Variants in CPSF1 observed in about 807,000 individuals in gnomAD.
CPSF1 encodes cleavage and polyadenylation specific factor 1.
CPSF1 carries 106 observed loss-of-function variants against 175.8 expected under a neutral mutation model. That is an observed-to-expected ratio of 0.60 (90% CI 0.52 to 0.71). The LOEUF is 0.71. Ranked by LOEUF, CPSF1 falls within the 30% of genes least tolerant of loss-of-function variation. The probability of loss-of-function intolerance (pLI) is 0.00; values close to 1 mark genes in which losing one functional copy is unlikely to be tolerated. For synonymous variants in CPSF1, 1,024 were observed against 858.3 expected, an observed-to-expected ratio of 1.19 and a Z score of -3.37; for missense variants, 1,734 against 2,022.9, an observed-to-expected ratio of 0.86 and a Z score of 2.74.
chr8:144,396,289 C>A, intron 26 of CPSF1, 59 bp downstream of exon 26: 4 of 1,518,616 alleles, frequency 2.6e-6, no homozygotes, highest in Middle Eastern at 2.4e-4. Flanking sequence ...GTCCCCTCCC[C>A]CTCAGCCCCC....
At position 144,400,138 on chromosome 8, in the gene CPSF1, CCCCCCGCCCCAGCCA is replaced by C; in HGVS notation, c.937+13_937+27del. 2 of 1,185,664 alleles carry C rather than the reference CCCCCCGCCCCAGCCA, an allele frequency of 1.7e-6. No individual in the cohort carries two copies. The highest frequency in any genetic ancestry group is 2.4e-6 in the Non-Finnish European group (2 of 846,178). 73.4% of individuals were successfully genotyped at this position (1,185,664 alleles called of 1,614,324 possible). On this transcript the variant is annotated intron_variant, in intron 9 of 37. Coordinates refer to ENST00000616140, the MANE Select transcript of CPSF1 (RefSeq NM_013291.3). ...GGCAGGCCCAAGCCGTCCCCGGGCC[CCCCCCGCCCCAGCCA>C]CCCCACACTCACGAAGCGGGAAAGC...
At position 144,393,541 on chromosome 8, in the gene CPSF1, G is replaced by A; in HGVS notation, c.4195C>T (p.Leu1399=). The A allele has an allele frequency of 1.2e-6, 2 of 1,600,968 alleles. No homozygotes were observed. Among genetic ancestry groups the A allele is most frequent in the Non-Finnish European group, 1.7e-6 (2 of 1,175,734 alleles). ...TAGCGGTTGAGCAGCTCCCCATCCA[G>A]CACGTTGCGCACGGCATTCTGGAGG... ...RTLQNAVRNV[L]DGELLNRYLY... is the part of the protein sequence containing the mutation. Residue 1399 remains leucine, a synonymous_variant, in exon 37 of 38, where the codon CTG becomes TTG. Transcript: ENST00000616140.
intron 25 of CPSF1, 30 bp downstream of exon 25, chr8:144,396,568 C>T (rs200593235): frequency 4.7e-5 from 75 of 1,609,560 alleles, no homozygotes; most frequent in Non-Finnish European, 5.9e-5. Flanking sequence ...CTCCCTTCTA[C>T]CACAGACCCC....
At chr8:144,401,747 AC>A in intron 2 of CPSF1, 74 bp from the exon 3 acceptor site, 1 of 1,487,344 alleles carries the variant, frequency 6.7e-7, no homozygotes, top group Non-Finnish European at 9.1e-7. Flanking sequence ...ACGAGAAAAG[AC>A]CACCAAGCCT....
At chr8:144,397,004 G>A in intron 23 of CPSF1, 75 bp from the exon 24 acceptor site, 5 of 1,184,966 alleles carry the variant, frequency 4.2e-6, no homozygotes, top group Non-Finnish European at 6.2e-6. Context: ...GGAAGAGGTG[G>A]GCTGTGGGTA....
At position 144,398,345 on chromosome 8, in the gene CPSF1, G is replaced by A. The variant is rs2116849058; in HGVS notation, c.1851C>T (p.Tyr617=). 5.3e-5 allele frequency: 79 copies of A among 1,498,822 alleles called. No homozygotes were observed. In the South Asian group the frequency reaches 8.5e-4, roughly 16 times the overall value. The allele number at this position is 1,498,822 out of a possible 1,614,324, so 92.8% of individuals were successfully genotyped here. ...TGCCCAGTGGTGACACTTGGACAAT[G>A]TAGCGGTTGTCCCCGATGTTCCCAG... ...VFAGNIGDNR[Y]IVQVSPLGIR... is the part of the protein sequence containing the mutation. The change falls in exon 19 of 38, where the codon TAC becomes TAT. Residue 617 remains tyrosine, a synonymous_variant. Transcript: ENST00000616140.
At position 144,397,359 on chromosome 8, in the gene CPSF1, C is replaced by A; in HGVS notation, c.2440G>T (p.Gly814Trp). Residue 814 changes from glycine (G) to tryptophan (W), a missense_variant, in exon 23 of 38, where the codon GGG becomes TGG. This residue lies in a region of CPSF1 where 585 missense variants were observed against 584.7 expected (regional missense o/e 1.00). Coordinates refer to ENST00000616140, the MANE Select transcript of CPSF1 (RefSeq NM_013291.3). ...GAGCTGTCCACAAGGACCCGCTGCC[C>A]CACAGGGAAGTTCTTCACCAGGAAC... ...LVFLVKNFPV[G>W]QRVLVDSSFG... is the part of the protein sequence containing the mutation. The A allele has an allele frequency of 6.4e-7, 1 of 1,565,408 alleles. No individual in the cohort carries two copies.
Position 144,396,433 on chromosome 8 carries a change from G to A in CPSF1, c.2894C>T (p.Pro965Leu), listed in dbSNP as rs145947364. Residue 965 changes from proline (P) to leucine (L), a missense_variant, in exon 26 of 38, where the codon CCC (proline) becomes CTC (leucine). Physicochemically the swap from Pro to Leu is moderately conservative, Grantham distance 98 (BLOSUM62 -3). Transcript: ENST00000616140. The part of the protein sequence containing the change: ...VTGRGALRLH[P>L]MAIDGPVDSF... ...GTCGACCGGGCCGTCGATGGCCATGGGGTGTAGCCGCAGAGCCCCTCGGCC... is the reference window on the plus strand; with the variant it reads ...GTCGACCGGGCCGTCGATGGCCATGAGGTGTAGCCGCAGAGCCCCTCGGCC... 4.4e-6 allele frequency: 7 copies of A among 1,596,182 alleles called. No homozygotes were observed. The highest frequency in any genetic ancestry group is 6.0e-6 in the Non-Finnish European group (7 of 1,173,110).
At chr8:144,403,703 C>G (rs1821345852) in intron 2 of CPSF1, among the ~76,000 whole-genome samples, 1 of 89,012 alleles carries the variant, frequency 1.1e-5, no homozygotes, top group African/African-American at 4.5e-5. Context: ...CAGGCATGTG[C>G]TACCATGCCC....
intron 2 of CPSF1, 54 bp from the exon 3 acceptor site, chr8:144,401,727 C>T: frequency 1.2e-5 from 19 of 1,552,110 alleles, no homozygotes; most frequent in South Asian, 2.4e-5. Context: ...CAGCTCACCT[C>T]ATCCGGGGAA....
chr8:144,398,608 G>A lies in CPSF1; in HGVS notation c.1669C>T (p.Gln557Ter), dbSNP rs1820951095. ...GCTTCAGGGGTGGTGCTGGGTTCCT[G>A]CTCTGTGCCCTCCCCCTTGGGATTG... The part of the protein sequence containing the change: ...EDNPKGEGTE[Q>*]EPSTTPEADD... The change falls in exon 18 of 38, where the codon CAG (glutamine) becomes TAG (stop). Residue 557 changes from glutamine (Q) to a stop codon, truncating the protein, a stop_gained. Transcript: ENST00000616140. LOFTEE classifies it high-confidence loss of function. 1.9e-6 allele frequency: 3 copies of A among 1,613,914 alleles called. No individual in the cohort carries two copies. The highest frequency in any genetic ancestry group is 2.5e-6 in the Non-Finnish European group (3 of 1,179,980).
intron 2 of CPSF1, among the ~76,000 whole-genome samples, chr8:144,404,806 C>T (rs1221076410): frequency 6.6e-6 from 1 of 151,924 alleles, no homozygotes; most frequent in Non-Finnish European, 1.5e-5. Flanking sequence ...CCTGTAATCC[C>T]AGCACTTTGG....
rs1554867182 is a variant in CPSF1, at chr8:144,401,520, G to A, written c.216C>T (p.Phe72=). The A allele has an allele frequency of 3.1e-6, 5 of 1,614,026 alleles. No homozygotes were observed. The highest frequency in any genetic ancestry group is 3.3e-5 in the Admixed American group (2 of 60,014). ...HREKLELAAS[F]SFFGNVMSMA... The stretch of plus-strand genomic sequence containing the variant: ...TGGACATGACGTTGCCAAAGAAGGA[G>A]AAGGAGGCAGCAAGCTCGAGCTTCT... Residue 72 remains phenylalanine (F), a synonymous_variant, in exon 4 of 38, where the codon TTC becomes TTT. Transcript: ENST00000616140.
chr8:144,394,623 C>A (rs528682775), intron 31 of CPSF1, 21 bp downstream of exon 31: 10 of 1,602,092 alleles, frequency 6.2e-6, no homozygotes, highest in Non-Finnish European at 8.5e-6. Flanking sequence ...GGGGGACACA[C>A]GCCGGGTGGG....
At position 144,398,767 on chromosome 8, in the gene CPSF1, G is replaced by A. The variant is rs113979460; in HGVS notation, c.1638+12C>T. The A allele has an allele frequency of 1.6e-5, 26 of 1,592,408 alleles. No individual in the cohort carries two copies. In the African/African-American group the frequency reaches 1.9e-4, roughly 11 times the overall value. ...CCATCCCAGGGCCTCCCTGCAGCAGGCTCGCACCTACCTCCTCCTTACGCA... is the reference window on the plus strand; with the variant it reads ...CCATCCCAGGGCCTCCCTGCAGCAGACTCGCACCTACCTCCTCCTTACGCA... On this transcript the variant is annotated intron_variant, in intron 17 of 37. Transcript: ENST00000616140.
At chr8:144,400,135 G>GGGGGGGCCCCCCCCCC in intron 9 of CPSF1, 31 bp downstream of exon 9, 3 of 896,006 alleles carry the variant, frequency 3.3e-6, no homozygotes, top group Non-Finnish European at 4.8e-6. Flanking sequence ...CCGTCCCCGG[G>GGGGGGGCCCCCCCCCC]CCCCCCCCGC....
intron 24 of CPSF1, 28 bp from the exon 25 acceptor site, chr8:144,396,769 G>A (rs782594737): frequency 4.3e-6 from 7 of 1,613,194 alleles, no homozygotes; most frequent in Admixed American, 1.7e-5. Flanking sequence ...AGGTCCTCCA[G>A]GGGCTGCCGG....
intron 2 of CPSF1, 66 bp from the exon 3 acceptor site, chr8:144,401,739 G>C (rs2116887026): frequency 6.6e-7 from 1 of 1,513,412 alleles, no homozygotes; most frequent in Non-Finnish European, 8.9e-7. Context: ...TCCGGGGAAC[G>C]AGAAAAGACC....
Position 144,396,931 on chromosome 8 carries a change from TG to T in CPSF1, c.2593-3del, listed in dbSNP as rs1820798804. 1 of 1,609,366 alleles carries T rather than the reference TG, an allele frequency of 6.2e-7. No homozygotes were observed. Among genetic ancestry groups the T allele is most frequent in the Non-Finnish European group, 8.5e-7 (1 of 1,177,008 alleles). ...AAGCAGCTCTTGGTCCACATGCACC[TG>T]GCAGGATGAGGGGAGCCATGGGGGA... On this transcript the variant is annotated splice_region_variant and splice_polypyrimidine_tract_variant and intron_variant, in intron 23 of 37. Transcript: ENST00000616140.
Sources: gnomAD v4.1 joint callset for allele counts (sites outside exome capture counted in the v4.1 genomes callset) on GRCh38, gnomAD v4.1.1 for gene constraint, gnomAD v4.1.1 regional missense constraint, MANE v1.5 for transcripts, NCBI Gene and HGNC (gene_info 2026-07-23, HGNC 2026-07-21) for gene names.